The following RSPO1 variants were observed in gnomAD, a reference collection of about 807,000 sequenced individuals.
RSPO1 encodes R-spondin-1.
In RSPO1, 18 loss-of-function variants were observed where a neutral mutation model predicts 26.0. The observed-to-expected ratio is 0.69, with a 90% CI of 0.48 to 1.03. RSPO1 has a LOEUF of 1.03. Ranked by LOEUF, RSPO1 falls within the 50% of genes least tolerant of loss-of-function variation. RSPO1 has a pLI of 0.00. For missense variants in RSPO1, 309 were observed against 352.3 expected, an observed-to-expected ratio of 0.88 and a Z score of 0.98; for synonymous variants, 133 against 137.4, an observed-to-expected ratio of 0.97 and a Z score of 0.22.
intron 1 of RSPO1, among the ~76,000 whole-genome samples, chr1:37,633,877 A>G (rs1157496767): frequency 1.3e-5 from 2 of 152,056 alleles, no homozygotes; most frequent in African/African-American, 2.4e-5. Flanking sequence ...GGAGACGCGG[A>G]CCTGAGGTTC....
intron 3 of RSPO1, among the ~76,000 whole-genome samples, chr1:37,617,661 CA>C (rs34856591): frequency 6.5e-3 from 238 of 36,346 alleles, no homozygotes; most frequent in African/African-American, 0.02. Context: ...GACTCCATCT[CA>C]AAAAAAAAAA....
chr1:37,633,308 T>C (rs1644386184), intron 1 of RSPO1, among the ~76,000 whole-genome samples: 1 of 152,058 alleles, frequency 6.6e-6, no homozygotes, highest in Non-Finnish European at 1.5e-5. Context: ...ACAACCCAGC[T>C]TGGGGAGTGG....
intron 3 of RSPO1, among the ~76,000 whole-genome samples, chr1:37,617,987 T>C (rs1644142880): frequency 6.6e-6 from 1 of 152,138 alleles, no homozygotes; most frequent in African/African-American, 2.4e-5. Flanking sequence ...AGATAATTTG[T>C]ACAGATTTGT....
At chr1:37,618,131 T>C (rs1644145159) in intron 3 of RSPO1, among the ~76,000 whole-genome samples, 1 of 152,214 alleles carries the variant, frequency 6.6e-6, no homozygotes, top group Non-Finnish European at 1.5e-5. Flanking sequence ...AGGTTTTCTA[T>C]CTTTATATCA....
At chr1:37,628,593 T>C (rs1415948759) in intron 3 of RSPO1, among the ~76,000 whole-genome samples, 4 of 152,266 alleles carry the variant, frequency 2.6e-5, no homozygotes, top group African/African-American at 7.2e-5. Context: ...CTTGGGACTC[T>C]GGAGTCCCCC....
At position 37,614,216 on chromosome 1, in the gene RSPO1, G is replaced by A. The variant is rs1308660450; in HGVS notation, c.404C>T (p.Ala135Val). 1 of 1,613,226 alleles carries A rather than the reference G, an allele frequency of 6.2e-7. No homozygotes were observed. Among genetic ancestry groups the A allele is most frequent in the Non-Finnish European group, 8.5e-7 (1 of 1,180,026 alleles). ...CYPACPEGSS[A>V]ANGTMECSSP... is the part of the protein sequence containing the mutation. ...ACTGCACTCCATGGTGCCATTGGCA[G>A]CTGAGGAGCCCTCGGGACAAGCTGG... The change falls in exon 5 of 7, where the codon GCT becomes GTT. Residue 135 changes from alanine to valine, a missense_variant. Coordinates refer to ENST00000356545, the MANE Select transcript of RSPO1 (RefSeq NM_001242908.2).
chr1:37,617,661 C>CAAAAAAAAAAAAAAAAAAAAAAAAAAAAA, intron 3 of RSPO1, among the ~76,000 whole-genome samples: 1 of 36,358 alleles, frequency 2.8e-5, no homozygotes, highest in Non-Finnish European at 4.6e-5. Flanking sequence ...GACTCCATCT[C>CAAAAAAAAAAAAAAAAAAAAAAAAAAAAA]AAAAAAAAAA....
intron 3 of RSPO1, among the ~76,000 whole-genome samples, chr1:37,625,108 C>G (rs1644257326): frequency 6.6e-6 from 1 of 152,352 alleles, no homozygotes; most frequent in South Asian, 2.1e-4. Flanking sequence ...TGTTACCACA[C>G]CCCTAGTACT....
chr1:37,615,781 T>G (rs1644101848), intron 4 of RSPO1, among the ~76,000 whole-genome samples: 1 of 152,142 alleles, frequency 6.6e-6, no homozygotes, highest in East Asian at 1.9e-4. Context: ...TGTGGAGCTG[T>G]AGCTGTTGTG....
intron 3 of RSPO1, 22 bp from the exon 4 acceptor site, chr1:37,616,697 G>A: frequency 6.2e-7 from 1 of 1,611,728 alleles, no homozygotes; most frequent in Non-Finnish European, 8.5e-7. Context: ...GAGCAGGCAT[G>A]AGAAGGCGGC....
intron 1 of RSPO1, among the ~76,000 whole-genome samples, chr1:37,633,739 G>A (rs907391525): frequency 1.3e-5 from 2 of 152,154 alleles, no homozygotes; most frequent in African/African-American, 2.4e-5. Context: ...CCAGGTGCTG[G>A]GGCCGTGCCC....
chr1:37,622,057 A>G (rs536277589), intron 3 of RSPO1, among the ~76,000 whole-genome samples: 1 of 152,288 alleles, frequency 6.6e-6, no homozygotes, highest in South Asian at 2.1e-4. Context: ...GAGTGAGAAG[A>G]GGAACTGGAC....
chr1:37,621,807 T>G (rs1355786079), intron 3 of RSPO1, among the ~76,000 whole-genome samples: 2 of 151,620 alleles, frequency 1.3e-5, no homozygotes. Context: ...TAAGAGTTTT[T>G]TTTTTTTTTT....
chr1:37,623,821 G>A (rs1162346443), intron 3 of RSPO1, among the ~76,000 whole-genome samples: 3 of 148,062 alleles, frequency 2.0e-5, no homozygotes, highest in Admixed American at 1.3e-4. Flanking sequence ...GTGCAATGGC[G>A]CAATCTTGGC....
intron 5 of RSPO1, 111 bp downstream of exon 5, chr1:37,614,073 T>C (rs1570094938): frequency 7.3e-7 from 1 of 1,365,746 alleles, no homozygotes; most frequent in Non-Finnish European, 1.0e-6. Context: ...AGTGGTAGGG[T>C]AAGCTCTCCC....
At chr1:37,626,467 C>T (rs115027695) in intron 3 of RSPO1, among the ~76,000 whole-genome samples, 6,243 of 152,246 alleles carry the variant, frequency 0.041, 181 homozygotes, top group Non-Finnish European at 0.063. Context: ...TCCATGCCCT[C>T]GGGTTTTCTC....
rs548357643 is a variant in RSPO1, at chr1:37,634,289, A to G, written c.-356+277T>C. The stretch of plus-strand genomic sequence containing the variant: ...TGGACTTGGGGAATTCAGGACTGCG[A>G]GTGAGGATGATCACCCGGGGCTGCG... On this transcript the variant is annotated intron_variant, in intron 1 of 6. Coordinates refer to ENST00000356545, the MANE Select transcript of RSPO1 (RefSeq NM_001242908.2). The surrounding 1 kb of genome is among the most constrained non-coding windows in gnomAD (Gnocchi z 4.7). Among the ~76,000 whole-genome samples, 90 of 152,192 alleles carry G rather than the reference A, an allele frequency of 5.9e-4. No homozygotes were observed. The highest frequency in any genetic ancestry group is 2.1e-3 in the African/African-American group (87 of 41,524).
chr1:37,623,022 A>T (rs1016728085), intron 3 of RSPO1, among the ~76,000 whole-genome samples: 1 of 152,094 alleles, frequency 6.6e-6, no homozygotes, highest in Non-Finnish European at 1.5e-5. Context: ...AAATGGGAGC[A>T]TCAAGACACA....
intron 3 of RSPO1, among the ~76,000 whole-genome samples, chr1:37,619,092 G>A (rs185397845): frequency 8.6e-4 from 131 of 152,234 alleles, no homozygotes; most frequent in Non-Finnish European, 1.4e-3. Flanking sequence ...ATGTGGTGGT[G>A]GGCACCTGTA....
Sources: gnomAD v4.1 joint callset for allele counts (sites outside exome capture counted in the v4.1 genomes callset) on GRCh38, gnomAD v4.1.1 for gene constraint, Gnocchi (gnomAD v3.1) non-coding constraint, MANE v1.5 for transcripts, NCBI Gene and HGNC (gene_info 2026-07-23, HGNC 2026-07-21) for gene names.